Variants in CEP57L1 observed in about 807,000 individuals in gnomAD.
CEP57L1 encodes the protein centrosomal protein 57 like 1, also known as centrosomal protein CEP57L1.
CEP57L1 carries 37 observed loss-of-function variants against 61.0 expected under a neutral mutation model. The observed-to-expected ratio is 0.61, with a 90% CI of 0.47 to 0.80. The LOEUF (loss-of-function observed/expected upper bound fraction) is 0.80. Ranked by LOEUF, CEP57L1 falls within the 30% of genes least tolerant of loss-of-function variation. The probability of loss-of-function intolerance (pLI) is 0.00; values close to 1 mark genes in which losing one functional copy is unlikely to be tolerated. For synonymous variants in CEP57L1, 137 were observed against 162.3 expected (o/e 0.84, Z 1.19); for missense variants, 422 against 524.7 (o/e 0.80, Z 1.91).
chr6:109,129,345 A>G, intron 1 of CEP57L1: 1 of 1,200,122 alleles, frequency 8.3e-7, no homozygotes, highest in Admixed American at 2.9e-5. Flanking sequence ...AATAATATAG[A>G]CTGCCGACAT....
rs1252202778 is a variant in CEP57L1, at chr6:109,172,022, C to T, written c.*9052C>T. 6.6e-6 allele frequency among the ~76,000 whole-genome samples: 1 copy of T among 151,584 alleles called. No individual in the cohort carries two copies. The highest frequency in any genetic ancestry group is 1.5e-5 in the Non-Finnish European group (1 of 68,000). ...ATTCACTGGAGGGACTCACAGAACT[C>T]AGAAAAGCTGTTAAGTTATGGTTAT... On this transcript the variant is annotated 3_prime_UTR_variant, in exon 11 of 11. Coordinates refer to ENST00000517392, the MANE Select transcript of CEP57L1 (RefSeq NM_001271852.3).
In CEP57L1 at chr6:109,166,907, C is replaced by T. The variant is rs17603248; in HGVS notation, c.*3937C>T. Among the ~76,000 whole-genome samples the T allele has an allele frequency of 7.7e-3, 1,173 of 152,224 alleles. 7 individuals carry two copies. Among genetic ancestry groups the T allele is most frequent in the Middle Eastern group, 0.014 (4 of 294 alleles). ...TATTCAGCTGTAACTAAAGCTTTAT[C>T]TACTGAGAACATTTAATTGTAGGTG... On this transcript the variant is annotated 3_prime_UTR_variant, in exon 11 of 11. Coordinates refer to ENST00000517392, the MANE Select transcript of CEP57L1 (RefSeq NM_001271852.3).
At chr6:109,133,661 C>A (rs568888766) in intron 1 of CEP57L1, among the ~76,000 whole-genome samples, 3 of 152,160 alleles carry the variant, frequency 2.0e-5, no homozygotes, top group East Asian at 1.9e-4. Context: ...AATTGATAGA[C>A]CGCTAGCAAG....
At chr6:109,112,655 T>G (rs1169363657) in intron 1 of CEP57L1, among the ~76,000 whole-genome samples, 1 of 152,242 alleles carries the variant, frequency 6.6e-6, no homozygotes, top group Non-Finnish European at 1.5e-5. Flanking sequence ...TTTAGTGCTA[T>G]ACATTTCCCC....
At chr6:109,140,743 T>G (rs1771275956) in intron 1 of CEP57L1, 1 of 151,992 alleles carries the variant, frequency 6.6e-6, no homozygotes, top group African/African-American at 2.4e-5. Context: ...TTTTCCTTTA[T>G]TTTTCTGTTA....
chr6:109,152,665 G>A (rs1252308185), intron 4 of CEP57L1, among the ~76,000 whole-genome samples: 6 of 147,116 alleles, frequency 4.1e-5, no homozygotes, highest in African/African-American at 1.6e-4. Context: ...GTGTGTGTGT[G>A]TGTGTGTGTG....
chr6:109,103,202 A>C (rs1770529151), intron 1 of CEP57L1, among the ~76,000 whole-genome samples: 1 of 152,182 alleles, frequency 6.6e-6, no homozygotes, highest in African/African-American at 2.4e-5. Flanking sequence ...ACTTCAACTT[A>C]AGTTTTTAAA....
At chr6:109,125,453 T>C (rs1773436169) in intron 1 of CEP57L1, among the ~76,000 whole-genome samples, 2 of 150,024 alleles carry the variant, frequency 1.3e-5, no homozygotes, top group African/African-American at 4.9e-5. Context: ...AGAAAGTGGA[T>C]TTGTAGCAAC....
chr6:109,104,056 A>G (rs776704261), intron 1 of CEP57L1, among the ~76,000 whole-genome samples: 4 of 150,814 alleles, frequency 2.7e-5, no homozygotes, highest in Non-Finnish European at 4.4e-5. Flanking sequence ...TTTTTTTTCA[A>G]TGAAATGAAA....
At chr6:109,115,313 G>T (rs901696059) in intron 1 of CEP57L1, among the ~76,000 whole-genome samples, 2 of 151,896 alleles carry the variant, frequency 1.3e-5, no homozygotes, top group Non-Finnish European at 2.9e-5. Flanking sequence ...GGAATTTCAT[G>T]TTGTTCTCAG....
At chr6:109,158,906 C>G (rs1773466016) in intron 7 of CEP57L1, 119 bp from the exon 8 acceptor site, 2 of 904,846 alleles carry the variant, frequency 2.2e-6, no homozygotes, top group Admixed American at 5.0e-5. Context: ...AAATTTCTGT[C>G]CATGTCTTTT....
rs894477779 is a variant in CEP57L1 at position 109,169,639 on chromosome 6, T to C, written c.*6669T>C. 1.3e-5 allele frequency among the ~76,000 whole-genome samples: 2 copies of C among 152,172 alleles called. No homozygotes were observed. The highest frequency in any genetic ancestry group is 4.8e-5 in the African/African-American group (2 of 41,434). On this transcript the variant is annotated 3_prime_UTR_variant, in exon 11 of 11. Transcript: ENST00000517392. The stretch of plus-strand genomic sequence containing the variant: ...GGCAAATAAATACATTCAGTATGAA[T>C]CCCTTAACAAAATGACCTCATTATG...
intron 3 of CEP57L1, among the ~76,000 whole-genome samples, chr6:109,148,699 C>T (rs1456550727): frequency 3.3e-5 from 5 of 152,144 alleles, no homozygotes; most frequent in African/African-American, 1.2e-4. Context: ...GCCACACTGA[C>T]TTCCACAATG....
At chr6:109,158,465 G>C in intron 7 of CEP57L1, 2 of 351,570 alleles carry the variant, frequency 5.7e-6, no homozygotes, top group Non-Finnish European at 1.1e-5. Flanking sequence ...CCCCAGTCTG[G>C]GTGACAGAAT....
Position 109,159,258 on chromosome 6 carries a change from A to G in CEP57L1, c.823-11A>G. 6.2e-7 allele frequency: 1 copy of G among 1,614,108 alleles called. No individual in the cohort carries two copies. ...TGTTCTGTGAATGCAAGTATGCAAA[A>G]CTTTTTGCAGATGAGGCAACATCGT... On this transcript the variant is annotated splice_polypyrimidine_tract_variant and intron_variant, in intron 8 of 10. Transcript: ENST00000517392.
chr6:109,158,907 CAT>C (rs1415116607), intron 7 of CEP57L1, 116 bp from the exon 8 acceptor site: 75 of 922,974 alleles, frequency 8.1e-5, no homozygotes, highest in Middle Eastern at 3.4e-4. Flanking sequence ...AATTTCTGTC[CAT>C]GTCTTTTGCC....
chr6:109,139,069 A>G (rs769450311), intron 1 of CEP57L1, among the ~76,000 whole-genome samples: 9 of 152,198 alleles, frequency 5.9e-5, no homozygotes, highest in African/African-American at 1.7e-4. Context: ...TTTGGTGCCA[A>G]TGTTAAGTAG....
At chr6:109,148,709 G>A (rs1445031798) in intron 3 of CEP57L1, among the ~76,000 whole-genome samples, 2 of 152,100 alleles carry the variant, frequency 1.3e-5, no homozygotes, top group African/African-American at 4.8e-5. Flanking sequence ...CTTCCACAAT[G>A]GTTGAACTAG....
rs1273161050 is a variant in CEP57L1, at chr6:109,169,655, C to T, written c.*6685C>T. On this transcript the variant is annotated 3_prime_UTR_variant, in exon 11 of 11. Coordinates refer to ENST00000517392, the MANE Select transcript of CEP57L1 (RefSeq NM_001271852.3). Reference sequence around the variant, plus strand: ...CAGTATGAATCCCTTAACAAAATGACCTCATTATGCTACCTCTTGGTAAAA... The same window carrying T: ...CAGTATGAATCCCTTAACAAAATGATCTCATTATGCTACCTCTTGGTAAAA... Among the ~76,000 whole-genome samples, 1 of 152,126 alleles carries T rather than the reference C, an allele frequency of 6.6e-6. No individual in the cohort carries two copies. Among genetic ancestry groups the T allele is most frequent in the Non-Finnish European group, 1.5e-5 (1 of 68,022 alleles).
Sources: gnomAD v4.1 joint callset for allele counts (sites outside exome capture counted in the v4.1 genomes callset) on GRCh38, gnomAD v4.1.1 for gene constraint, MANE v1.5 for transcripts, NCBI Gene and HGNC (gene_info 2026-07-23, HGNC 2026-07-21) for gene names.